SYNPR: variants seen among roughly 807,000 people sequenced by gnomAD.
SYNPR encodes synaptoporin.
SYNPR carries 23 observed loss-of-function variants against 32.9 expected under a neutral mutation model. That is an observed-to-expected ratio of 0.70 (90% CI 0.50 to 0.99). SYNPR has a LOEUF of 0.99. SYNPR is among the 50% of genes least tolerant of loss of function. SYNPR has a pLI of 0.00. For synonymous variants in SYNPR, 146 were observed against 135.9 expected (o/e 1.07, Z -0.52); for missense variants, 318 against 349.3 (o/e 0.91, Z 0.71).
chr3:63,241,920 G>T (rs1299287550), intron 1 of SYNPR, among the ~76,000 whole-genome samples: 1 of 152,020 alleles, frequency 6.6e-6, no homozygotes, highest in Non-Finnish European at 1.5e-5. Flanking sequence ...TTCATAATCA[G>T]CTAAAAGTTA....
chr3:63,457,272 C>T (rs115099991), intron 2 of SYNPR, among the ~76,000 whole-genome samples: 1,925 of 152,252 alleles, frequency 0.013, 55 homozygotes, highest in African/African-American at 0.042. Flanking sequence ...CCCACAAGGA[C>T]AGTTTTCAAT....
At chr3:63,291,174 C>G (rs746187577) in intron 2 of SYNPR, among the ~76,000 whole-genome samples, 7 of 152,020 alleles carry the variant, frequency 4.6e-5, no homozygotes, top group Non-Finnish European at 8.8e-5. Flanking sequence ...ATGGGCAGAT[C>G]AACATCATTG....
At chr3:63,456,609 G>A (rs1228891896) in intron 2 of SYNPR, among the ~76,000 whole-genome samples, 1 of 152,108 alleles carries the variant, frequency 6.6e-6, no homozygotes, top group Non-Finnish European at 1.5e-5. Context: ...GATGGGTTTA[G>A]AAATTTGTTT....
At position 63,605,881 on chromosome 3, in the gene SYNPR, C is replaced by T. The variant is rs142563677; in HGVS notation, c.409-3244C>T. Among the ~76,000 whole-genome samples, 509 of 152,322 alleles carry T rather than the reference C, an allele frequency of 3.3e-3. 4 individuals carry two copies. The highest frequency in any genetic ancestry group is 0.012 in the African/African-American group (487 of 41,572). On this transcript the variant is annotated intron_variant, in intron 4 of 5. Coordinates refer to ENST00000478300, the MANE Select transcript of SYNPR (RefSeq NM_001130003.2). ...AGGGCCTATGCCGCTGGAGTGATCACAGGTCCCTGCTATGGGGCATGTATG... is the reference window on the plus strand; with the variant it reads ...AGGGCCTATGCCGCTGGAGTGATCATAGGTCCCTGCTATGGGGCATGTATG...
chr3:63,490,269 G>A (rs1000474017), intron 3 of SYNPR, among the ~76,000 whole-genome samples: 7 of 152,088 alleles, frequency 4.6e-5, no homozygotes, highest in Admixed American at 2.0e-4. Context: ...TTGGAATGAG[G>A]AAGAGGAGAG....
In SYNPR at chr3:63,595,715, TTTTATATATATATATATATATATATATA is replaced by T. The variant is rs1559546067; in HGVS notation, c.409-13408_409-13381del. 1.1e-3 allele frequency among the ~76,000 whole-genome samples: 50 copies of T among 45,770 alleles called. 1 individual carries two copies. Among genetic ancestry groups the T allele is most frequent in the African/African-American group, 3.7e-3 (40 of 10,712 alleles). 30.0% of individuals were successfully genotyped at this position (45,770 alleles called of 152,430 possible). A position where few individuals can be genotyped will look rare whatever the true frequency, so the allele number is the denominator to read the frequency against. ...ATGGTGGTGGGACTTCTGAATCTTATTTTATATATATATATATATATATATATATATATATATATATATATATATATAT... is the reference window on the plus strand; with the variant it reads ...ATGGTGGTGGGACTTCTGAATCTTATTATATATATATATATATATATATAT... On this transcript the variant is annotated intron_variant, in intron 4 of 5. Transcript: ENST00000478300.
At chr3:63,203,719 G>A in the SYNPR span, among the ~76,000 whole-genome samples, 1,827 of 152,156 alleles carry the variant, frequency 0.012, 20 homozygotes, top group Non-Finnish European at 0.019. Flanking sequence ...TCTTTGGGCC[G>A]GGTGCTGTGG....
At chr3:63,492,883 A>T (rs1701281949) in intron 3 of SYNPR, among the ~76,000 whole-genome samples, 1 of 152,126 alleles carries the variant, frequency 6.6e-6, no homozygotes, top group Non-Finnish European at 1.5e-5. Flanking sequence ...AGAGAAATAG[A>T]GAGACTGACT....
At chr3:63,217,699 G>A in the SYNPR span, among the ~76,000 whole-genome samples, 8 of 152,028 alleles carry the variant, frequency 5.3e-5, no homozygotes, top group African/African-American at 1.7e-4. Context: ...GCTGTAGACC[G>A]GAGCTGTTCC....
chr3:63,276,714 T>C (rs1212938934), upstream of SYNPR, among the ~76,000 whole-genome samples: 2 of 147,234 alleles, frequency 1.4e-5, no homozygotes, highest in East Asian at 4.0e-4. Context: ...GGAAGAGCAG[T>C]AGGAACAAAA....
chr3:63,397,284 G>A (rs943419276), intron 2 of SYNPR, among the ~76,000 whole-genome samples: 3 of 152,062 alleles, frequency 2.0e-5, no homozygotes, highest in African/African-American at 7.2e-5. Context: ...CAGAATCATA[G>A]GTCAGGAAAA....
chr3:63,278,513 A>G lies in SYNPR; in HGVS notation c.-21A>G. The G allele has an allele frequency of 1.9e-6, 3 of 1,546,908 alleles. No homozygotes were observed. The highest frequency in any genetic ancestry group is 2.6e-6 in the Non-Finnish European group (3 of 1,144,248). On this transcript the variant is annotated 5_prime_UTR_variant, in exon 1 of 6. Transcript: ENST00000478300. ...TTTTTAAAAAGAACTGGTGGATGAG[A>G]AGAGCGAGCGAGGGCGAGCTATGGA...
intron 3 of SYNPR, among the ~76,000 whole-genome samples, chr3:63,531,491 T>C (rs149898992): frequency 5.3e-5 from 8 of 152,278 alleles, no homozygotes; most frequent in African/African-American, 1.9e-4. Context: ...TCTTCTTACA[T>C]CTGTCACATT....
intron 2 of SYNPR, among the ~76,000 whole-genome samples, chr3:63,406,066 C>G (rs1443142539): frequency 1.3e-5 from 2 of 152,042 alleles, no homozygotes; most frequent in Non-Finnish European, 2.9e-5. Flanking sequence ...AATCACACTA[C>G]CAGAAGGTGG....
At chr3:63,338,818 C>T (rs899864369) in intron 2 of SYNPR, among the ~76,000 whole-genome samples, 48 of 152,216 alleles carry the variant, frequency 3.2e-4, no homozygotes, top group African/African-American at 1.1e-3. Context: ...GGGACATGTT[C>T]AGAATCCAGC....
intron 2 of SYNPR, among the ~76,000 whole-genome samples, chr3:63,403,383 T>C (rs913422553): frequency 6.6e-6 from 1 of 151,716 alleles, no homozygotes; most frequent in Non-Finnish European, 1.5e-5. Flanking sequence ...TAAATATATA[T>C]ATATGTACAT....
At chr3:63,602,662 G>C (rs1700062960) in intron 4 of SYNPR, among the ~76,000 whole-genome samples, 1 of 152,138 alleles carries the variant, frequency 6.6e-6, no homozygotes. Context: ...TTGTAGGTGT[G>C]TGAAATTATT....
chr3:63,234,118 A>G (rs2086184022), intron 1 of SYNPR, among the ~76,000 whole-genome samples: 1 of 152,170 alleles, frequency 6.6e-6, no homozygotes, highest in Non-Finnish European at 1.5e-5. Context: ...CCATTTCCAC[A>G]TGGCTGGGGA....
At chr3:63,568,785 C>G (rs2106843764) in intron 4 of SYNPR, among the ~76,000 whole-genome samples, 1 of 152,202 alleles carries the variant, frequency 6.6e-6, no homozygotes, top group African/African-American at 2.4e-5. Context: ...TGAATTCAGC[C>G]ACAGCTGAAG....
Sources: allele counts gnomAD v4.1 joint callset (sites outside exome capture counted in the v4.1 genomes callset), GRCh38; gene constraint gnomAD v4.1.1; transcripts MANE v1.5; gene names NCBI Gene and HGNC (gene_info 2026-07-23, HGNC 2026-07-21).